GRIN2A: variants seen among roughly 807,000 people sequenced by gnomAD.
The protein encoded by GRIN2A is glutamate ionotropic receptor NMDA type subunit 2A.
Under a neutral mutation model 113.4 loss-of-function variants are expected in GRIN2A, and 22 were observed. That is an observed-to-expected ratio of 0.19 (90% confidence interval 0.14 to 0.28). GRIN2A has a LOEUF of 0.28. Among genes scored for constraint, GRIN2A ranks in the 10% least tolerant of loss-of-function variants. The pLI is 1.00. For missense variants in GRIN2A, 1,502 were observed against 1,887.0 expected (o/e 0.80, Z 3.78); for synonymous variants, 827 against 738.4 (o/e 1.12, Z -1.94).
chr16:9,815,403 TAAC>T (rs1053154469), intron 10 of GRIN2A, among the ~76,000 whole-genome samples: 3 of 105,846 alleles, frequency 2.8e-5, no homozygotes, highest in East Asian at 2.6e-4. Flanking sequence ...TCTTAAAACC[TAAC>T]AACAACCAAA....
intron 2 of GRIN2A, among the ~76,000 whole-genome samples, chr16:10,017,859 A>C (rs2046640065): frequency 6.6e-6 from 1 of 152,252 alleles, no homozygotes; most frequent in Admixed American, 6.5e-5. Flanking sequence ...AATAAAGACA[A>C]GATCCGACTG....
At chr16:9,881,463 G>C (rs1160676296) in intron 4 of GRIN2A, among the ~76,000 whole-genome samples, 1 of 152,204 alleles carries the variant, frequency 6.6e-6, no homozygotes, top group Non-Finnish European at 1.5e-5. Context: ...CACTAGGGAG[G>C]CTTATAAAAC....
At chr16:10,059,966 G>T (rs1016183979) in intron 2 of GRIN2A, among the ~76,000 whole-genome samples, 3 of 145,210 alleles carry the variant, frequency 2.1e-5, no homozygotes, top group Non-Finnish European at 4.7e-5. Flanking sequence ...CCTAGGGATG[G>T]AGGAAAAGGG....
chr16:9,906,636 C>A (rs1390931799), intron 3 of GRIN2A, among the ~76,000 whole-genome samples: 4 of 152,176 alleles, frequency 2.6e-5, no homozygotes, highest in Admixed American at 2.6e-4. Flanking sequence ...CATTCCCTAT[C>A]TCCTGGAGGC....
At chr16:10,067,959 CTGCTA>C (rs2047680788) in intron 2 of GRIN2A, among the ~76,000 whole-genome samples, 1 of 152,242 alleles carries the variant, frequency 6.6e-6, no homozygotes, top group Non-Finnish European at 1.5e-5. Flanking sequence ...CAGATCAGCT[CTGCTA>C]CTCAGTGGCT....
At chr16:10,170,516 T>C (rs553319667) in intron 2 of GRIN2A, among the ~76,000 whole-genome samples, 3 of 152,322 alleles carry the variant, frequency 2.0e-5, no homozygotes, top group East Asian at 3.9e-4. Flanking sequence ...AATGTAACCA[T>C]GTGAGGTAAT....
chr16:9,814,439 C>A (rs2042148768), intron 10 of GRIN2A, among the ~76,000 whole-genome samples: 1 of 152,134 alleles, frequency 6.6e-6, no homozygotes. Flanking sequence ...TGAGATTAGG[C>A]ATATGAAGTG....
rs146784175 is a variant in GRIN2A, at chr16:10,111,901, C to A, written c.414+68097G>T. ...TCTTGCTGAGAAGGACCACACCACCCTCCTCAGTGAGGTGATGACGCCAAG... is the reference window on the plus strand; with the variant it reads ...TCTTGCTGAGAAGGACCACACCACCATCCTCAGTGAGGTGATGACGCCAAG... On this transcript the variant is annotated intron_variant, in intron 2 of 12. Transcript: ENST00000330684. 53 of 853,382 alleles carry A rather than the reference C, an allele frequency of 6.2e-5. No homozygotes were observed. The Middle Eastern group carries it at 1.3e-3, about 21-fold the overall frequency. 52.9% of individuals were successfully genotyped at this position (853,382 alleles called of 1,614,324 possible).
In GRIN2A at chr16:9,760,973, G is replaced by T. The variant is rs1043132656; in HGVS notation, c.*2176C>A. The T allele has an allele frequency of 1.7e-5, 4 of 232,240 alleles. No individual in the cohort carries two copies. Among genetic ancestry groups the T allele is most frequent in the African/African-American group, 4.4e-5 (2 of 45,228 alleles). 14.4% of individuals were successfully genotyped at this position (232,240 alleles called of 1,614,324 possible). On this transcript the variant is annotated 3_prime_UTR_variant, in exon 13 of 13. Transcript: ENST00000330684. ...GACTATTCTGGGCCCTTCGATCCAG[G>T]CTTCTCCATGGCTGGGTCTTGGGGC...
Position 9,758,818 on chromosome 16 carries a change from A to G in GRIN2A, c.*4331T>C. 2 of 214,540 alleles carry G rather than the reference A, an allele frequency of 9.3e-6. No individual in the cohort carries two copies. Among genetic ancestry groups the G allele is most frequent in the Non-Finnish European group, 1.9e-5 (2 of 106,252 alleles). The allele number at this position is 214,540 out of a possible 1,614,324, so 13.3% of individuals were successfully genotyped here. ...AAGTATAGACCCCACAGCACTTTCA[A>G]CCCTGTTCACCAAAAAGAGATGGGG... On this transcript the variant is annotated 3_prime_UTR_variant, in exon 13 of 13. Coordinates refer to ENST00000330684, the MANE Select transcript of GRIN2A (RefSeq NM_001134407.3).
chr16:9,831,719 T>C (rs1451464022), intron 8 of GRIN2A, among the ~76,000 whole-genome samples: 1 of 151,968 alleles, frequency 6.6e-6, no homozygotes, highest in Non-Finnish European at 1.5e-5. Flanking sequence ...TTTTGCCATA[T>C]TGGCCAGGCT....
chr16:9,818,270 A>G (rs989591749), intron 10 of GRIN2A, among the ~76,000 whole-genome samples: 17 of 151,578 alleles, frequency 1.1e-4, no homozygotes, highest in Admixed American at 3.9e-4. Context: ...GGTAATTCTC[A>G]TATTCTGGTT....
chr16:9,926,480 G>C (rs371594164), intron 3 of GRIN2A, among the ~76,000 whole-genome samples: 1 of 152,196 alleles, frequency 6.6e-6, no homozygotes, highest in African/African-American at 2.4e-5. Flanking sequence ...TAGGATAAGA[G>C]AGACCTATGT....
At chr16:10,029,872 C>G (rs1261662152) in intron 2 of GRIN2A, among the ~76,000 whole-genome samples, 1 of 152,116 alleles carries the variant, frequency 6.6e-6, no homozygotes, top group Non-Finnish European at 1.5e-5. Context: ...TGCTGCATGC[C>G]TGTAATCCCA....
intron 5 of GRIN2A, among the ~76,000 whole-genome samples, chr16:9,847,481 C>G (rs2042792812): frequency 6.6e-6 from 1 of 152,086 alleles, no homozygotes; most frequent in East Asian, 1.9e-4. Context: ...GAGAAGAACA[C>G]TTGAGCCTAG....
At chr16:9,872,850 C>T (rs34030466) in intron 4 of GRIN2A, among the ~76,000 whole-genome samples, 7 of 151,620 alleles carry the variant, frequency 4.6e-5, no homozygotes, top group African/African-American at 1.5e-4. Context: ...AGTAACATGG[C>T]GAAACCCTAT....
At chr16:10,072,941 A>AC (rs1454088753) in intron 2 of GRIN2A, among the ~76,000 whole-genome samples, 17 of 113,856 alleles carry the variant, frequency 1.5e-4, no homozygotes, top group Non-Finnish European at 2.3e-4. Context: ...CAGTGACAAG[A>AC]CCCCCTTTTT....
chr16:9,904,844 C>T (rs575683355), intron 3 of GRIN2A, among the ~76,000 whole-genome samples: 1 of 152,322 alleles, frequency 6.6e-6, no homozygotes, highest in South Asian at 2.1e-4. Context: ...TGCGAAGTTT[C>T]ATGGTGGCAT....
chr16:9,918,658 T>G (rs924231314), intron 3 of GRIN2A, among the ~76,000 whole-genome samples: 3 of 152,190 alleles, frequency 2.0e-5, no homozygotes, highest in African/African-American at 7.2e-5. Context: ...CCAAAGTATC[T>G]TGTGCAAAAG....
Sources: allele counts gnomAD v4.1 joint callset (sites outside exome capture counted in the v4.1 genomes callset), GRCh38; gene constraint gnomAD v4.1.1; transcripts MANE v1.5; gene names NCBI Gene and HGNC (gene_info 2026-07-23, HGNC 2026-07-21).